TADA2A: variants seen among roughly 807,000 people sequenced by gnomAD.
The protein encoded by TADA2A is transcriptional adaptor 2A, also known as transcriptional adapter 2-alpha.
A neutral mutation model predicts 67.4 loss-of-function variants in TADA2A; 38 were observed. The ratio of observed to expected loss-of-function variants is 0.56; its 90% confidence interval spans 0.44 to 0.74. TADA2A has a LOEUF of 0.74. TADA2A is among the 30% of genes least tolerant of loss of function. TADA2A has a pLI of 0.00. For synonymous variants in TADA2A, 192 were observed against 181.6 expected (o/e 1.06, Z -0.46); for missense variants, 454 against 547.0 (o/e 0.83, Z 1.70).
intron 6 of TADA2A, 106 bp downstream of exon 6, chr17:37,440,768 G>C (rs776658358): frequency 9.5e-6 from 13 of 1,364,274 alleles, no homozygotes; most frequent in Non-Finnish European, 1.3e-5. Flanking sequence ...ATGATATCAC[G>C]GAAGATAGGA....
chr17:37,474,727 C>G (rs2053858723), intron 15 of TADA2A, 98 bp downstream of exon 15: 5 of 1,299,042 alleles, frequency 3.8e-6, no homozygotes, highest in Non-Finnish European at 5.4e-6. Context: ...CCTTTTGTTT[C>G]ATTCATCTAA....
chr17:37,409,431 A>G (rs1203443818), intron 1 of TADA2A, among the ~76,000 whole-genome samples: 4 of 152,134 alleles, frequency 2.6e-5, no homozygotes, highest in African/African-American at 4.8e-5. Context: ...AGACATTCAG[A>G]AGTAATACTC....
chr17:37,414,819 G>C, intron 2 of TADA2A, among the ~76,000 whole-genome samples: 1 of 151,726 alleles, frequency 6.6e-6, no homozygotes, highest in Admixed American at 6.6e-5. Context: ...TTGTTTTCTG[G>C]TTTAATCTGT....
intron 4 of TADA2A, among the ~76,000 whole-genome samples, chr17:37,431,218 C>T (rs1400497765): frequency 6.6e-6 from 1 of 152,002 alleles, no homozygotes; most frequent in Non-Finnish European, 1.5e-5. Flanking sequence ...TAACAGCTAC[C>T]TCAAAACCTC....
intron 7 of TADA2A, among the ~76,000 whole-genome samples, 188 bp downstream of exon 7, chr17:37,442,840 A>G (rs1420045662): frequency 4.6e-5 from 7 of 152,074 alleles, no homozygotes; most frequent in Non-Finnish European, 7.4e-5. Context: ...ACATTTTCAC[A>G]TATGGAACAG....
chr17:37,424,867 T>C (rs1324541206), intron 3 of TADA2A, among the ~76,000 whole-genome samples: 2 of 151,110 alleles, frequency 1.3e-5, no homozygotes, highest in African/African-American at 4.9e-5. Context: ...ATTTTTTCTT[T>C]TTTTTCTTTT....
At chr17:37,446,088 T>TG (rs1342507978) in intron 8 of TADA2A, among the ~76,000 whole-genome samples, 8 of 90,882 alleles carry the variant, frequency 8.8e-5, no homozygotes, top group African/African-American at 4.8e-4. Flanking sequence ...GAGCGGTGGG[T>TG]TTTTTTTTGG....
chr17:37,477,440 G>C lies in TADA2A; in HGVS notation c.*458G>C, dbSNP rs968080889. ...GGTTTTAGAGCATAAGAAAGCTCTC[G>C]TTGAAGGATTTTTTAAGCTGACAAC... is the stretch of plus-strand genomic sequence containing the variant. On this transcript the variant is annotated 3_prime_UTR_variant, in exon 16 of 16. Transcript: ENST00000615182. The C allele has an allele frequency of 6.6e-6, 1 of 152,448 alleles. No individual in the cohort carries two copies. The highest frequency in any genetic ancestry group is 6.6e-5 in the Admixed American group (1 of 15,178). 9.4% of individuals were successfully genotyped at this position (152,448 alleles called of 1,614,324 possible). A position where few individuals can be genotyped will look rare whatever the true frequency, so the allele number is the denominator to read the frequency against.
intron 1 of TADA2A, among the ~76,000 whole-genome samples, chr17:37,411,048 T>C (rs892794221): frequency 2.6e-5 from 4 of 152,190 alleles, no homozygotes; most frequent in African/African-American, 4.8e-5. Flanking sequence ...ACATTACTTA[T>C]ATGGATTATG....
At chr17:37,439,938 ATTTATTATT>A (rs1441991924) in intron 5 of TADA2A, among the ~76,000 whole-genome samples, 6,684 of 105,618 alleles carry the variant, frequency 0.063, 228 homozygotes, top group African/African-American at 0.078. Context: ...TTATTTATTT[ATTTATTATT>A]TTTTTTTTTT....
chr17:37,440,540 A>G lies in TADA2A; in HGVS notation c.320A>G (p.Lys107Arg), dbSNP rs962355419. ...DVANQMCTKT[K>R]EECEKHYMKH... Reference sequence around the variant, plus strand: ...GCCAATCAAATGTGCACCAAGACCAAGGAGGAGTGTGAGAAGCACTATATG... The same window carrying G: ...GCCAATCAAATGTGCACCAAGACCAGGGAGGAGTGTGAGAAGCACTATATG... Residue 107 changes from lysine (K) to arginine (R), a missense_variant, in exon 6 of 16, where the codon AAG (lysine) becomes AGG (arginine). Physicochemically the swap from Lys to Arg is conservative, Grantham distance 26. Around this residue, in one of 2 missense-constraint regions of TADA2A, gnomAD observed 403 missense variants for 455.5 expected, o/e 0.88. Coordinates refer to ENST00000615182, the MANE Select transcript of TADA2A (RefSeq NM_001166105.3). 1.9e-6 allele frequency: 3 copies of G among 1,614,030 alleles called. No homozygotes were observed. Among genetic ancestry groups the G allele is most frequent in the African/African-American group, 1.3e-5 (1 of 74,904 alleles).
intron 1 of TADA2A, chr17:37,407,572 G>C (rs1180462804): frequency 2.0e-5 from 3 of 152,244 alleles, no homozygotes; most frequent in African/African-American, 7.2e-5. Flanking sequence ...GTCAGAATGT[G>C]GTCTCTTGTG....
At chr17:37,446,927 A>G (rs2053099429) in intron 8 of TADA2A, among the ~76,000 whole-genome samples, 1 of 152,210 alleles carries the variant, frequency 6.6e-6, no homozygotes, top group Non-Finnish European at 1.5e-5. Context: ...AAGAAACAGA[A>G]GCAACTGATT....
At chr17:37,445,351 T>G (rs1183153999) in intron 8 of TADA2A, among the ~76,000 whole-genome samples, 1 of 152,186 alleles carries the variant, frequency 6.6e-6, no homozygotes, top group East Asian at 1.9e-4. Flanking sequence ...CTGCAACCTC[T>G]GTCTCCCAGG....
At chr17:37,416,698 C>T (rs2052059114) in intron 2 of TADA2A, among the ~76,000 whole-genome samples, 1 of 151,940 alleles carries the variant, frequency 6.6e-6, no homozygotes, top group Non-Finnish European at 1.5e-5. Flanking sequence ...AACGCCATCT[C>T]TACTGAAAAT....
chr17:37,443,122 A>G (rs900737802), intron 7 of TADA2A, among the ~76,000 whole-genome samples: 2 of 152,114 alleles, frequency 1.3e-5, no homozygotes, highest in Non-Finnish European at 2.9e-5. Flanking sequence ...TGATCATTCC[A>G]CTAAACTGCA....
intron 7 of TADA2A, 87 bp from the exon 8 acceptor site, chr17:37,444,609 C>T: frequency 1.8e-6 from 2 of 1,108,132 alleles, no homozygotes; most frequent in Admixed American, 2.2e-5. Flanking sequence ...TGTGTTTTTT[C>T]TGTTTACTTC....
chr17:37,457,109 T>A (rs2053413013), intron 8 of TADA2A, among the ~76,000 whole-genome samples: 1 of 152,140 alleles, frequency 6.6e-6, no homozygotes, highest in Non-Finnish European at 1.5e-5. Context: ...CACTGTACCT[T>A]TATTCACATT....
At chr17:37,453,232 C>T (rs1490859382) in intron 8 of TADA2A, among the ~76,000 whole-genome samples, 1 of 152,134 alleles carries the variant, frequency 6.6e-6, no homozygotes, top group Non-Finnish European at 1.5e-5. Context: ...GTGAGATGCA[C>T]AGTAATGAGT....
Sources: allele counts gnomAD v4.1 joint callset (sites outside exome capture counted in the v4.1 genomes callset), GRCh38; gene constraint gnomAD v4.1.1; regional missense constraint gnomAD v4.1.1; transcripts MANE v1.5; gene names NCBI Gene and HGNC (gene_info 2026-07-23, HGNC 2026-07-21).